The following FLRT1 variants were observed in gnomAD, a reference collection of about 807,000 sequenced individuals.
FLRT1 encodes fibronectin leucine rich transmembrane protein 1.
FLRT1 carries 14 observed loss-of-function variants against 30.9 expected under a neutral mutation model. The ratio of observed to expected loss-of-function variants is 0.45; its 90% CI spans 0.30 to 0.71. The LOEUF (loss-of-function observed/expected upper bound fraction) is 0.71, where lower values mean the gene tolerates loss of function less well. FLRT1 is among the 30% of genes least tolerant of loss of function. FLRT1 has a pLI of 0.08. For synonymous variants in FLRT1, 368 were observed against 430.4 expected (o/e 0.85, Z 1.80); for missense variants, 737 against 949.2 (o/e 0.78, Z 2.94).
intron 1 of FLRT1, among the ~76,000 whole-genome samples, chr11:64,058,113 A>G (rs1433048546): frequency 1.3e-5 from 2 of 152,224 alleles, no homozygotes; most frequent in Admixed American, 1.3e-4. Context: ...TTCCTAATCC[A>G]TGACACCTTA....
At position 64,118,924 on chromosome 11, in the gene FLRT1, G is replaced by C. The variant is rs761392849; in HGVS notation, c.*632G>C. 2 of 163,096 alleles carry C rather than the reference G, an allele frequency of 1.2e-5. No individual in the cohort carries two copies. The highest frequency in any genetic ancestry group is 3.0e-5 in the Non-Finnish European group (2 of 65,938). The allele number at this position is 163,096 out of a possible 1,614,324, so 10.1% of individuals were successfully genotyped here. A position where few individuals can be genotyped will look rare whatever the true frequency, so the allele number is the denominator to read the frequency against. ...GCATTCTTTGAACAATCATGTAGTC[G>C]ATTAAAAAAAAAAAACAAACTTTTT... On this transcript the variant is annotated 3_prime_UTR_variant, in exon 3 of 3. Coordinates refer to ENST00000682287, the MANE Select transcript of FLRT1 (RefSeq NM_013280.5).
intron 2 of FLRT1, among the ~76,000 whole-genome samples, chr11:64,112,349 C>A (rs538215978): frequency 6.6e-6 from 1 of 152,184 alleles, no homozygotes; most frequent in Middle Eastern, 3.4e-3. Flanking sequence ...CCCGTCTCTA[C>A]TAAAAATACA....
intron 1 of FLRT1, among the ~76,000 whole-genome samples, chr11:64,065,462 G>T (rs1295071677): frequency 6.6e-6 from 1 of 152,184 alleles, no homozygotes; most frequent in East Asian, 1.9e-4. Context: ...GCCTGGCAGG[G>T]TGTGTGCTTG....
intron 1 of FLRT1, among the ~76,000 whole-genome samples, chr11:64,069,018 CAGAAA>C (rs1343062578): frequency 6.6e-6 from 1 of 151,630 alleles, no homozygotes; most frequent in Admixed American, 6.6e-5. Context: ...CAGCTTGGGA[CAGAAA>C]AGAAGAGGGA....
intron 1 of FLRT1, among the ~76,000 whole-genome samples, chr11:64,093,008 A>G (rs1017868155): frequency 6.6e-6 from 1 of 152,120 alleles, no homozygotes; most frequent in Non-Finnish European, 1.5e-5. Flanking sequence ...CCCTGGCCAC[A>G]CCGGAGTGGC....
chr11:64,097,742 C>T (rs1009223944), intron 1 of FLRT1, among the ~76,000 whole-genome samples: 5 of 152,128 alleles, frequency 3.3e-5, no homozygotes, highest in Non-Finnish European at 5.9e-5. Context: ...GGGCCCGGAG[C>T]GAGTGGGCAG....
At chr11:64,078,942 G>T (rs1342194888) in intron 1 of FLRT1, among the ~76,000 whole-genome samples, 1 of 152,192 alleles carries the variant, frequency 6.6e-6, no homozygotes, top group Non-Finnish European at 1.5e-5. Flanking sequence ...TGCGGTTAAG[G>T]GTGGTGAATG....
At chr11:64,115,598 G>A (rs1310367382) in intron 2 of FLRT1, among the ~76,000 whole-genome samples, 1 of 152,204 alleles carries the variant, frequency 6.6e-6, no homozygotes, top group African/African-American at 2.4e-5. Flanking sequence ...ACCAGACAAT[G>A]AAGCTCCCTG....
rs1944577232 is a variant in FLRT1 at position 64,096,418 on chromosome 11, C to T, written c.-1037-6776C>T. On this transcript the variant is annotated intron_variant, in intron 1 of 2. Transcript: ENST00000682287. The surrounding 1 kb of genome is among the most constrained non-coding windows in gnomAD (Gnocchi z 4.6). ...AGGCAAGTGGTCGTTCCTGTCCCCTCTTTTTTTTTTTTGAGACTGAGTCTC... is the reference window on the plus strand; with the variant it reads ...AGGCAAGTGGTCGTTCCTGTCCCCTTTTTTTTTTTTTTGAGACTGAGTCTC... 6.9e-6 allele frequency among the ~76,000 whole-genome samples: 1 copy of T among 145,664 alleles called. No homozygotes were observed. The highest frequency in any genetic ancestry group is 2.0e-4 in the East Asian group (1 of 5,036).
intron 1 of FLRT1, among the ~76,000 whole-genome samples, chr11:64,060,846 G>C (rs1464629570): frequency 6.6e-6 from 1 of 152,166 alleles, no homozygotes; most frequent in East Asian, 1.9e-4. Flanking sequence ...GAGCCGGCGG[G>C]TGTGAACGGG....
chr11:64,111,014 C>T (rs970853023), intron 2 of FLRT1, among the ~76,000 whole-genome samples: 3 of 152,190 alleles, frequency 2.0e-5, no homozygotes, highest in South Asian at 2.1e-4. Flanking sequence ...GACAGTGGAG[C>T]GGAAAGGCCT....
intron 1 of FLRT1, among the ~76,000 whole-genome samples, chr11:64,044,663 G>A (rs2134396147): frequency 6.6e-6 from 1 of 152,270 alleles, no homozygotes; most frequent in East Asian, 1.9e-4. Flanking sequence ...CGTTCATTAG[G>A]GTGAACTTGG....
chr11:64,067,707 G>A lies in FLRT1; in HGVS notation c.-1038+31548G>A, dbSNP rs565737545. Among the ~76,000 whole-genome samples, 16 of 152,312 alleles carry A rather than the reference G, an allele frequency of 1.1e-4. No homozygotes were observed. The highest frequency in any genetic ancestry group is 3.4e-4 in the African/African-American group (14 of 41,562). ...GAGCTGCCCTGCCTGCAGTGATTGC[G>A]GACACGCCCCTCGCGAGGCACCGCA... On this transcript the variant is annotated intron_variant, in intron 1 of 2. Transcript: ENST00000682287. The surrounding 1 kb of genome is among the most constrained non-coding windows in gnomAD (Gnocchi z 4.6).
intron 1 of FLRT1, among the ~76,000 whole-genome samples, chr11:64,070,521 G>C (rs1944087559): frequency 6.6e-6 from 1 of 152,196 alleles, no homozygotes; most frequent in Non-Finnish European, 1.5e-5. Context: ...CCATGGGAAG[G>C]CTGCCCGAGA....
intron 1 of FLRT1, among the ~76,000 whole-genome samples, chr11:64,059,178 A>G (rs924349338): frequency 6.6e-6 from 1 of 151,952 alleles, no homozygotes; most frequent in African/African-American, 2.4e-5. Context: ...AGACTTGGGG[A>G]GCAGTAGGAG....
At chr11:64,048,063 C>T (rs911725741) in intron 1 of FLRT1, among the ~76,000 whole-genome samples, 19 of 152,174 alleles carry the variant, frequency 1.2e-4, no homozygotes, top group African/African-American at 4.1e-4. Flanking sequence ...GCCTGAGGCC[C>T]AGCCTGGCTC....
intron 1 of FLRT1, among the ~76,000 whole-genome samples, chr11:64,037,631 C>T (rs1181222210): frequency 6.6e-6 from 1 of 152,104 alleles, no homozygotes; most frequent in Non-Finnish European, 1.5e-5. Flanking sequence ...GCTGAAGGGT[C>T]GGCCATGGGC....
intron 2 of FLRT1, among the ~76,000 whole-genome samples, chr11:64,109,634 TC>T (rs1159651568): frequency 6.6e-6 from 1 of 151,728 alleles, no homozygotes; most frequent in African/African-American, 2.4e-5. Context: ...CCCTCTTACC[TC>T]CCCGGACTCC....
chr11:64,087,696 G>A (rs1330262566), intron 1 of FLRT1, among the ~76,000 whole-genome samples: 1 of 152,210 alleles, frequency 6.6e-6, no homozygotes. Flanking sequence ...ATGATCTCAT[G>A]ATGCTGCATG....
Sources: allele counts gnomAD v4.1 joint callset (sites outside exome capture counted in the v4.1 genomes callset), GRCh38; gene constraint gnomAD v4.1.1; non-coding constraint Gnocchi (gnomAD v3.1); transcripts MANE v1.5; gene names NCBI Gene and HGNC (gene_info 2026-07-23, HGNC 2026-07-21).